The following NCAM2 variants were observed in gnomAD, a reference collection of about 807,000 sequenced individuals.
The protein encoded by NCAM2 is N-CAM-2.
Under a neutral mutation model 98.1 loss-of-function variants are expected in NCAM2, and 30 were observed. The observed-to-expected ratio is 0.31, with a 90% CI of 0.23 to 0.41. The LOEUF is 0.41. NCAM2 is among the 10% of genes least tolerant of loss of function. The probability of loss-of-function intolerance (pLI) is 1.00; values close to 1 mark genes in which losing one functional copy is unlikely to be tolerated. For synonymous variants in NCAM2, 368 were observed against 342.4 expected (o/e 1.07, Z -0.83); for missense variants, 867 against 1,005.8 (o/e 0.86, Z 1.87).
chr21:21,023,479 G>T (rs990492634), intron 1 of NCAM2, among the ~76,000 whole-genome samples: 1 of 151,234 alleles, frequency 6.6e-6, no homozygotes, highest in African/African-American at 2.4e-5. Context: ...AGCCAACGTT[G>T]TGCCACTGCA....
At chr21:21,498,533 G>C (rs1569120600) in intron 15 of NCAM2, among the ~76,000 whole-genome samples, 1 of 152,022 alleles carries the variant, frequency 6.6e-6, no homozygotes, top group Non-Finnish European at 1.5e-5. Context: ...AATTATTTCT[G>C]TAAGCAGTTT....
chr21:21,074,877 G>C (rs1310820666), intron 1 of NCAM2, among the ~76,000 whole-genome samples: 1 of 152,084 alleles, frequency 6.6e-6, no homozygotes, highest in African/African-American at 2.4e-5. Flanking sequence ...ATTCTATAAA[G>C]ACATGCACAT....
At chr21:21,413,428 T>C (rs2076927133) in intron 10 of NCAM2, among the ~76,000 whole-genome samples, 1 of 152,222 alleles carries the variant, frequency 6.6e-6, no homozygotes, top group Non-Finnish European at 1.5e-5. Context: ...TTCAAAACTA[T>C]ATTTGTTAGT....
chr21:21,282,767 T>A (rs2072973528), intron 2 of NCAM2, among the ~76,000 whole-genome samples: 1 of 151,834 alleles, frequency 6.6e-6, no homozygotes, highest in Admixed American at 6.6e-5. Flanking sequence ...TTATAAATAA[T>A]CTGTACGTAC....
At position 21,003,430 on chromosome 21, in the gene NCAM2, G is replaced by C. The variant is rs541349600; in HGVS notation, c.55+4812G>C. 2.3e-4 allele frequency among the ~76,000 whole-genome samples: 35 copies of C among 152,206 alleles called. No homozygotes were observed. In the South Asian group the frequency reaches 7.0e-3, roughly 31 times the overall value. ...GGAGTCAGAAGACCTAGGCTACTAA[G>C]AGTCTCTTAACCTTGAAGAAGCAAC... is the stretch of plus-strand genomic sequence containing the variant. On this transcript the variant is annotated intron_variant, in intron 1 of 17. Coordinates refer to ENST00000400546, the MANE Select transcript of NCAM2 (RefSeq NM_004540.5).
chr21:21,222,529 G>T lies in NCAM2; in HGVS notation c.56-58049G>T, dbSNP rs2070211661. Among the ~76,000 whole-genome samples, 3 of 152,080 alleles carry T rather than the reference G, an allele frequency of 2.0e-5. No individual in the cohort carries two copies. The South Asian group carries it at 6.2e-4, about 31-fold the overall frequency. On this transcript the variant is annotated intron_variant, in intron 1 of 17. Coordinates refer to ENST00000400546, the MANE Select transcript of NCAM2 (RefSeq NM_004540.5). Reference sequence around the variant, plus strand: ...CCACCCTTCATGGAGGACTTGAGAGGTTCCAAATTATCAGTCAGAATGTAA... The same window carrying T: ...CCACCCTTCATGGAGGACTTGAGAGTTTCCAAATTATCAGTCAGAATGTAA...
intron 5 of NCAM2, among the ~76,000 whole-genome samples, chr21:21,319,446 G>C (rs1368669501): frequency 6.6e-6 from 1 of 152,120 alleles, no homozygotes; most frequent in South Asian, 2.1e-4. Context: ...TTTGAGACCA[G>C]CCTGGCCAAC....
At chr21:21,371,687 T>G (rs985298893) in intron 8 of NCAM2, among the ~76,000 whole-genome samples, 1 of 151,826 alleles carries the variant, frequency 6.6e-6, no homozygotes, top group African/African-American at 2.4e-5. Flanking sequence ...TTCCTCCACT[T>G]ACTCCTAGAA....
intron 1 of NCAM2, among the ~76,000 whole-genome samples, chr21:21,066,585 G>T (rs62207574): frequency 1.1e-4 from 17 of 151,898 alleles, no homozygotes. Flanking sequence ...GCCTCTATGC[G>T]CAAGAAAGTT....
intron 1 of NCAM2, among the ~76,000 whole-genome samples, chr21:21,122,198 G>A (rs1391773802): frequency 1.3e-5 from 2 of 152,140 alleles, no homozygotes; most frequent in African/African-American, 2.4e-5. Context: ...GATTGTCCAT[G>A]CATAATTTGA....
rs957940579 is a variant in NCAM2 at position 21,540,129 on chromosome 21, C to A, written c.*2172C>A. 1.3e-5 allele frequency: 2 copies of A among 151,940 alleles called. No individual in the cohort carries two copies. The highest frequency in any genetic ancestry group is 4.8e-5 in the African/African-American group (2 of 41,388). 9.4% of individuals were successfully genotyped at this position (151,940 alleles called of 1,614,324 possible). A position where few individuals can be genotyped will look rare whatever the true frequency, so the allele number is the denominator to read the frequency against. On this transcript the variant is annotated 3_prime_UTR_variant, in exon 18 of 18. Coordinates refer to ENST00000400546, the MANE Select transcript of NCAM2 (RefSeq NM_004540.5). Reference sequence around the variant, plus strand: ...TTCGCATGTTTACTATTGTTATATTCGTGCTTTACTTCAAGAGTGCAGAAA... The same window carrying A: ...TTCGCATGTTTACTATTGTTATATTAGTGCTTTACTTCAAGAGTGCAGAAA...
At position 21,317,209 on chromosome 21, in the gene NCAM2, C is replaced by G. The variant is rs143121456; in HGVS notation, c.620-7174C>G. On this transcript the variant is annotated intron_variant, in intron 5 of 17. Transcript: ENST00000400546. ...CAGGAGTTTCCTTCCCCTTCTCCCA[C>G]TCTCTGAGTGGTGACTGGACATGGT... Among the ~76,000 whole-genome samples the G allele has an allele frequency of 1.2e-4, 18 of 152,260 alleles. 1 individual carries two copies. Among genetic ancestry groups the G allele is most frequent in the Admixed American group, 1.1e-3 (17 of 15,296 alleles).
chr21:21,531,849 C>T (rs1292449289), intron 16 of NCAM2, among the ~76,000 whole-genome samples: 3 of 150,146 alleles, frequency 2.0e-5, no homozygotes, highest in African/African-American at 7.3e-5. Flanking sequence ...AAAAATTAGC[C>T]GGGCGTGGTG....
chr21:21,398,520 A>C (rs977025106), intron 9 of NCAM2, among the ~76,000 whole-genome samples: 2 of 152,240 alleles, frequency 1.3e-5, no homozygotes, highest in African/African-American at 2.4e-5. Context: ...AGGTTTAAGA[A>C]GAAGAGTTAA....
intron 1 of NCAM2, among the ~76,000 whole-genome samples, chr21:21,068,135 CTTTTTTTTTTT>C (rs68078560): frequency 5.6e-5 from 5 of 88,580 alleles, no homozygotes; most frequent in African/African-American, 2.0e-4. Flanking sequence ...ACTTTTTTTT[CTTTTTTTTTTT>C]TTTTTTTTGA....
At chr21:21,391,375 G>A (rs1044164228) in intron 9 of NCAM2, among the ~76,000 whole-genome samples, 2 of 152,024 alleles carry the variant, frequency 1.3e-5, no homozygotes, top group South Asian at 2.1e-4. Flanking sequence ...AACTTAATGT[G>A]CTTATAAGAA....
intron 1 of NCAM2, among the ~76,000 whole-genome samples, chr21:21,174,587 G>A (rs905646172): frequency 6.6e-6 from 1 of 152,064 alleles, no homozygotes; most frequent in African/African-American, 2.4e-5. Context: ...AAGGCAATAA[G>A]TATAAATTTT....
chr21:21,136,881 A>C (rs1406490075), intron 1 of NCAM2, among the ~76,000 whole-genome samples: 1 of 144,674 alleles, frequency 6.9e-6, no homozygotes, highest in Non-Finnish European at 1.5e-5. Context: ...GAAATTTTGA[A>C]TGTTAATAGT....
At chr21:21,282,221 T>C (rs2072954066) in intron 2 of NCAM2, among the ~76,000 whole-genome samples, 1 of 151,864 alleles carries the variant, frequency 6.6e-6, no homozygotes, top group South Asian at 2.1e-4. Flanking sequence ...AATAACAAAA[T>C]AGTTAAAAAA....
Sources: gnomAD v4.1 joint callset for allele counts (sites outside exome capture counted in the v4.1 genomes callset) on GRCh38, gnomAD v4.1.1 for gene constraint, MANE v1.5 for transcripts, NCBI Gene and HGNC (gene_info 2026-07-23, HGNC 2026-07-21) for gene names.